The following NCKAP5 variants were observed in gnomAD, a reference collection of about 807,000 sequenced individuals.
NCKAP5 encodes the protein nck-associated protein 5.
NCKAP5 carries 92 observed loss-of-function variants against 167.0 expected under a neutral mutation model. The ratio of observed to expected loss-of-function variants is 0.55; its 90% CI spans 0.47 to 0.66. NCKAP5 has a LOEUF of 0.66. Ranked by LOEUF, NCKAP5 falls within the 30% of genes least tolerant of loss-of-function variation. NCKAP5 has a pLI of 0.00. For missense variants in NCKAP5, 2,378 were observed against 2,315.0 expected, an observed-to-expected ratio of 1.03 and a Z score of -0.56; for synonymous variants, 891 against 877.4, an observed-to-expected ratio of 1.02 and a Z score of -0.27.
chr2:132,977,916 A>G (rs1284518631), intron 7 of NCKAP5, among the ~76,000 whole-genome samples: 1 of 152,170 alleles, frequency 6.6e-6, no homozygotes, highest in Non-Finnish European at 1.5e-5. Context: ...TCAAAGTGGC[A>G]GGAAGCTATC....
intron 8 of NCKAP5, among the ~76,000 whole-genome samples, chr2:132,929,289 A>T (rs963231333): frequency 2.6e-5 from 4 of 151,692 alleles, no homozygotes; most frequent in Admixed American, 2.6e-4. Context: ...GACAGAGGCA[A>T]TGAAAAAAAA....
At chr2:133,235,341 A>T (rs548321584) in intron 4 of NCKAP5, among the ~76,000 whole-genome samples, 4 of 152,144 alleles carry the variant, frequency 2.6e-5, no homozygotes, top group African/African-American at 9.6e-5. Flanking sequence ...CCTTTTCGTG[A>T]TCTATTTAGT....
intron 3 of NCKAP5, among the ~76,000 whole-genome samples, chr2:133,370,712 T>C (rs1475345485): frequency 1.3e-5 from 2 of 152,054 alleles, no homozygotes; most frequent in Non-Finnish European, 2.9e-5. Context: ...ATTTTTTTTT[T>C]TTTTGCATTT....
chr2:132,682,918 T>G (rs1685427152), intron 19 of NCKAP5, among the ~76,000 whole-genome samples: 1 of 151,030 alleles, frequency 6.6e-6, no homozygotes, highest in Non-Finnish European at 1.5e-5. Context: ...AGAGTCTCAC[T>G]CTGTTACCCA....
At chr2:133,270,057 A>T (rs1310466021) in intron 4 of NCKAP5, among the ~76,000 whole-genome samples, 3 of 152,204 alleles carry the variant, frequency 2.0e-5, no homozygotes, top group African/African-American at 2.4e-5. Context: ...ATGGGTTAAG[A>T]CTGGAATGCC....
chr2:133,262,700 A>T (rs766824726), intron 4 of NCKAP5, among the ~76,000 whole-genome samples: 9 of 152,214 alleles, frequency 5.9e-5, no homozygotes, highest in Non-Finnish European at 1.2e-4. Flanking sequence ...GAAAGTCTCA[A>T]CCACCCACAT....
chr2:133,583,254 G>A, the NCKAP5 span, among the ~76,000 whole-genome samples: 4 of 152,066 alleles, frequency 2.6e-5, no homozygotes, highest in East Asian at 5.8e-4. Context: ...CTCATGGACC[G>A]TCATTCATGG....
intron 3 of NCKAP5, among the ~76,000 whole-genome samples, chr2:133,449,252 T>G (rs184438537): frequency 3.2e-4 from 48 of 152,366 alleles, no homozygotes; most frequent in African/African-American, 1.1e-3. Context: ...TTCCCTAAAC[T>G]GCTATTCATT....
chr2:132,868,142 G>A (rs1440568167), intron 10 of NCKAP5, among the ~76,000 whole-genome samples: 1 of 152,112 alleles, frequency 6.6e-6, no homozygotes, highest in Non-Finnish European at 1.5e-5. Context: ...TGAATATGCT[G>A]CAGGATCTAA....
chr2:133,349,542 G>A (rs575255621), intron 3 of NCKAP5, among the ~76,000 whole-genome samples: 1 of 152,344 alleles, frequency 6.6e-6, no homozygotes, highest in African/African-American at 2.4e-5. Flanking sequence ...AGAATACACA[G>A]TTTTAAAACA....
the NCKAP5 span, among the ~76,000 whole-genome samples, chr2:133,618,940 T>C: frequency 6.9e-6 from 1 of 145,562 alleles, no homozygotes; most frequent in Non-Finnish European, 1.5e-5. Flanking sequence ...ATTAAGAAAA[T>C]GTGGCACATA....
At chr2:132,708,690 C>A (rs1018578817) in intron 19 of NCKAP5, among the ~76,000 whole-genome samples, 2 of 152,208 alleles carry the variant, frequency 1.3e-5, no homozygotes, top group African/African-American at 4.8e-5. Context: ...GACCGTAGAG[C>A]GCTTCATGTG....
chr2:133,137,842 G>T (rs895315617), intron 5 of NCKAP5, among the ~76,000 whole-genome samples: 2 of 152,216 alleles, frequency 1.3e-5, no homozygotes, highest in Non-Finnish European at 2.9e-5. Context: ...GCGCAGAGGG[G>T]TGCCTCCTTG....
intron 8 of NCKAP5, among the ~76,000 whole-genome samples, chr2:132,944,194 ATCCCTGGG>A (rs1415563606): frequency 6.6e-6 from 1 of 152,162 alleles, no homozygotes; most frequent in East Asian, 1.9e-4. Flanking sequence ...TATGGGAGTT[ATCCCTGGG>A]TGAGACAAGT....
At chr2:133,638,741 C>T in the NCKAP5 span, among the ~76,000 whole-genome samples, 3 of 151,842 alleles carry the variant, frequency 2.0e-5, no homozygotes, top group East Asian at 1.9e-4. Flanking sequence ...CACCTGTAAC[C>T]CCAGCTACTC....
chr2:133,169,437 G>C (rs776669897), intron 5 of NCKAP5, among the ~76,000 whole-genome samples: 1 of 152,174 alleles, frequency 6.6e-6, no homozygotes, highest in Non-Finnish European at 1.5e-5. Flanking sequence ...GAGCTTTACC[G>C]ACAGAACAGC....
intron 3 of NCKAP5, among the ~76,000 whole-genome samples, chr2:133,407,554 C>T (rs960196552): frequency 1.3e-5 from 2 of 152,178 alleles, no homozygotes; most frequent in African/African-American, 2.4e-5. Flanking sequence ...AGGCGCTGTG[C>T]CGGCCACTTA....
chr2:133,092,638 G>T (rs1286072573), intron 6 of NCKAP5, among the ~76,000 whole-genome samples: 3 of 152,088 alleles, frequency 2.0e-5, no homozygotes, highest in African/African-American at 7.2e-5. Flanking sequence ...GAAAATAACT[G>T]GTTTCATTAT....
intron 5 of NCKAP5, among the ~76,000 whole-genome samples, chr2:133,156,202 A>G (rs909187119): frequency 1.1e-4 from 16 of 152,018 alleles, no homozygotes; most frequent in African/African-American, 3.4e-4. Context: ...TAGAGGGAAA[A>G]CTCACCTTCT....
Sources: gnomAD v4.1 joint callset for allele counts (sites outside exome capture counted in the v4.1 genomes callset) on GRCh38, gnomAD v4.1.1 for gene constraint, MANE v1.5 for transcripts, NCBI Gene and HGNC (gene_info 2026-07-23, HGNC 2026-07-21) for gene names.